Variants in ESRRG observed in about 807,000 individuals in gnomAD.
The protein encoded by ESRRG is estrogen-related receptor gamma.
A neutral mutation model predicts 44.0 loss-of-function variants in ESRRG; 13 were observed. The ratio of observed to expected loss-of-function variants is 0.30; its 90% CI spans 0.19 to 0.47. The LOEUF is 0.47. Ranked by LOEUF, ESRRG falls within the 20% of genes least tolerant of loss-of-function variation. The pLI, the probability that ESRRG is intolerant of heterozygous loss-of-function variation, is 1.00. For synonymous variants in ESRRG, 215 were observed against 214.6 expected (o/e 1.00, Z -0.02); for missense variants, 395 against 580.6 (o/e 0.68, Z 3.29).
intron 3 of ESRRG, among the ~76,000 whole-genome samples, chr1:216,593,662 A>G (rs2058028467): frequency 6.6e-6 from 1 of 152,268 alleles, no homozygotes; most frequent in Non-Finnish European, 1.5e-5. Flanking sequence ...GGCAAATGTT[A>G]AGTCAAAATA....
intron 3 of ESRRG, among the ~76,000 whole-genome samples, chr1:216,649,465 T>A (rs1340453506): frequency 1.3e-5 from 2 of 151,932 alleles, no homozygotes; most frequent in Non-Finnish European, 2.9e-5. Context: ...ATGTCTGCCA[T>A]CCATTCTCCT....
At chr1:217,135,521 C>G (rs983246579) in intron 1 of ESRRG, among the ~76,000 whole-genome samples, 1 of 151,534 alleles carries the variant, frequency 6.6e-6, no homozygotes, top group Non-Finnish European at 1.5e-5. Flanking sequence ...GAGCAAGGGG[C>G]GCGCGCGCGG....
At chr1:216,783,395 A>C (rs1458838695) in intron 2 of ESRRG, among the ~76,000 whole-genome samples, 1 of 152,066 alleles carries the variant, frequency 6.6e-6, no homozygotes, top group African/African-American at 2.4e-5. Context: ...CAACAGTATA[A>C]TCTGCCTTAT....
intron 1 of ESRRG, among the ~76,000 whole-genome samples, chr1:216,691,466 A>G (rs1187062457): frequency 6.6e-6 from 1 of 152,208 alleles, no homozygotes; most frequent in African/African-American, 2.4e-5. Context: ...CTTCTGATGT[A>G]GTAACACCTA....
At chr1:216,752,237 G>T (rs2092090456) in intron 2 of ESRRG, among the ~76,000 whole-genome samples, 1 of 152,026 alleles carries the variant, frequency 6.6e-6, no homozygotes, top group South Asian at 2.1e-4. Flanking sequence ...TGCTTCAATA[G>T]CAAGAGAGCA....
intron 1 of ESRRG, among the ~76,000 whole-genome samples, chr1:216,995,994 G>C (rs940037527): frequency 1.3e-5 from 2 of 151,828 alleles, no homozygotes; most frequent in Non-Finnish European, 2.9e-5. Flanking sequence ...GGTTACAAAG[G>C]AAAATCAAGT....
chr1:216,732,708 G>A (rs1373923195), intron 2 of ESRRG, among the ~76,000 whole-genome samples: 1 of 151,872 alleles, frequency 6.6e-6, no homozygotes, highest in Non-Finnish European at 1.5e-5. Context: ...GGAGGCTAAG[G>A]GAGGAGGATT....
At chr1:216,905,946 T>TAGTAAATA (rs2059635835) in intron 2 of ESRRG, among the ~76,000 whole-genome samples, 1 of 152,160 alleles carries the variant, frequency 6.6e-6, no homozygotes, top group Non-Finnish European at 1.5e-5. Context: ...ATACAGGGTT[T>TAGTAAATA]CACCATATTG....
chr1:217,022,331 G>A (rs1343896683), intron 1 of ESRRG, among the ~76,000 whole-genome samples: 1 of 152,164 alleles, frequency 6.6e-6, no homozygotes, highest in Non-Finnish European at 1.5e-5. Flanking sequence ...AAATAGGCGG[G>A]TGGAAGGGTT....
chr1:216,527,405 C>T (rs1846226), intron 5 of ESRRG, among the ~76,000 whole-genome samples: 52,538 of 151,912 alleles, frequency 0.35, 9,233 homozygotes, highest in Non-Finnish European at 0.36. Flanking sequence ...GAAACCTATG[C>T]CATTCCCTCA....
At chr1:216,538,443 TC>T (rs2149231402) in intron 5 of ESRRG, among the ~76,000 whole-genome samples, 1 of 152,012 alleles carries the variant, frequency 6.6e-6, no homozygotes, top group South Asian at 2.1e-4. Flanking sequence ...GGCACCTATC[TC>T]CCCACCCCAC....
intron 2 of ESRRG, among the ~76,000 whole-genome samples, chr1:216,742,111 T>C (rs571786050): frequency 7.6e-4 from 116 of 152,288 alleles, no homozygotes; most frequent in Admixed American, 3.9e-3. Flanking sequence ...TTCCCACAAG[T>C]CTGCTTCACA....
At chr1:216,611,487 T>A (rs78399292) in intron 3 of ESRRG, among the ~76,000 whole-genome samples, 2,643 of 152,274 alleles carry the variant, frequency 0.017, 80 homozygotes, top group African/African-American at 0.06. Context: ...CATGCACTCA[T>A]GTGTGCACTC....
At chr1:217,040,191 G>A (rs528629172) in intron 1 of ESRRG, among the ~76,000 whole-genome samples, 1 of 152,196 alleles carries the variant, frequency 6.6e-6, no homozygotes, top group South Asian at 2.1e-4. Context: ...TGAAATTTCA[G>A]GCTGGTGGTT....
rs187767770 is a variant in ESRRG at position 216,706,250 on chromosome 1, G to A, written c.56+16994C>T. Reference sequence around the variant, plus strand: ...GGAGTGATATGGGAAAACTCAGAAAGACTATGGCGGGGGTGGGGGGCTGGA... The same window carrying A: ...GGAGTGATATGGGAAAACTCAGAAAAACTATGGCGGGGGTGGGGGGCTGGA... On this transcript the variant is annotated intron_variant, in intron 1 of 6. Transcript: ENST00000408911. 2.4e-4 allele frequency among the ~76,000 whole-genome samples: 36 copies of A among 151,900 alleles called. No individual in the cohort carries two copies. The East Asian group carries it at 6.4e-3, about 27-fold the overall frequency.
rs1276308969 is a variant in ESRRG, at chr1:216,504,710, T to C, written c.*2229A>G. 2.6e-5 allele frequency: 4 copies of C among 152,646 alleles called. No individual in the cohort carries two copies. The highest frequency in any genetic ancestry group is 6.5e-5 in the Admixed American group (1 of 15,280). The allele number at this position is 152,646 out of a possible 1,614,324, so 9.5% of individuals were successfully genotyped here. On this transcript the variant is annotated 3_prime_UTR_variant, in exon 7 of 7. Transcript: ENST00000408911. ...ATACAGCATTTAAAAATTAGACTTATCTATATTCTTGAAATATTCAAAGTT... is the reference window on the plus strand; with the variant it reads ...ATACAGCATTTAAAAATTAGACTTACCTATATTCTTGAAATATTCAAAGTT...
At chr1:216,873,504 G>A (rs978861477) in intron 2 of ESRRG, among the ~76,000 whole-genome samples, 6 of 151,924 alleles carry the variant, frequency 3.9e-5, no homozygotes, top group South Asian at 4.2e-4. Context: ...ATGAGCCACC[G>A]GGCCCGGCCA....
intron 1 of ESRRG, among the ~76,000 whole-genome samples, chr1:217,019,680 C>G (rs1419916775): frequency 3.3e-5 from 5 of 152,138 alleles, no homozygotes; most frequent in Non-Finnish European, 7.4e-5. Context: ...CATATTCGTT[C>G]TTTTCTTCCA....
At chr1:216,649,509 T>TATACACACACACACACTCTCATAC (rs2068427327) in intron 3 of ESRRG, among the ~76,000 whole-genome samples, 1 of 145,314 alleles carries the variant, frequency 6.9e-6, no homozygotes, top group Non-Finnish European at 1.6e-5. Context: ...TATATATACA[T>TATACACACACACACACTCTCATAC]ATACACACAC....
Sources: gnomAD v4.1 joint callset for allele counts (sites outside exome capture counted in the v4.1 genomes callset) on GRCh38, gnomAD v4.1.1 for gene constraint, MANE v1.5 for transcripts, NCBI Gene and HGNC (gene_info 2026-07-23, HGNC 2026-07-21) for gene names.